CYRIB: variants seen among roughly 807,000 people sequenced by gnomAD.
The protein encoded by CYRIB is CYFIP related Rac1 interactor B.
Under a neutral mutation model 44.2 loss-of-function variants are expected in CYRIB, and 8 were observed. The observed-to-expected ratio is 0.18, with a 90% CI of 0.11 to 0.33. The LOEUF (loss-of-function observed/expected upper bound fraction) is 0.33. Ranked by LOEUF, CYRIB falls within the 10% of genes least tolerant of loss-of-function variation. The pLI, the probability that CYRIB is intolerant of heterozygous loss-of-function variation, is 1.00. For missense variants in CYRIB, 185 were observed against 382.8 expected (o/e 0.48, Z 4.31); for synonymous variants, 131 against 127.2 (o/e 1.03, Z -0.20).
chr8:129,963,254 AG>A (rs1471536521), intron 2 of CYRIB, among the ~76,000 whole-genome samples: 1 of 152,208 alleles, frequency 6.6e-6, no homozygotes, highest in African/African-American at 2.4e-5. Flanking sequence ...TTTCACTCCT[AG>A]ATTCTTCAAT....
chr8:130,013,046 A>G (rs747884381), intron 1 of CYRIB, among the ~76,000 whole-genome samples: 1 of 152,224 alleles, frequency 6.6e-6, no homozygotes, highest in Non-Finnish European at 1.5e-5. Context: ...CCTTCTTTCA[A>G]GAAGCTCCAA....
intron 1 of CYRIB, among the ~76,000 whole-genome samples, chr8:129,938,808 T>C (rs937495004): frequency 2.0e-5 from 3 of 151,920 alleles, no homozygotes; most frequent in Non-Finnish European, 2.9e-5. Context: ...AAGTCTTCCA[T>C]GAAAAAAATA....
chr8:129,974,394 G>A (rs1025336193), intron 1 of CYRIB, among the ~76,000 whole-genome samples: 1 of 152,044 alleles, frequency 6.6e-6, no homozygotes, highest in Non-Finnish European at 1.5e-5. Flanking sequence ...TTTGCAAGTC[G>A]AATGGAAGCT....
chr8:129,958,633 T>C (rs1237238927), intron 2 of CYRIB, among the ~76,000 whole-genome samples: 1 of 152,130 alleles, frequency 6.6e-6, no homozygotes, highest in East Asian at 1.9e-4. Context: ...TCTGTGAAAT[T>C]ATCTGATGCA....
chr8:129,903,467 T>C (rs1251782247), intron 1 of CYRIB, 117 bp from the exon 4 acceptor site: 1 of 152,462 alleles, frequency 6.6e-6, no homozygotes, highest in Admixed American at 6.5e-5. Flanking sequence ...GCACATTTTA[T>C]ACATACACAC....
At chr8:129,927,039 T>C (rs1050287380) in intron 1 of CYRIB, among the ~76,000 whole-genome samples, 6 of 152,138 alleles carry the variant, frequency 3.9e-5, no homozygotes, top group Non-Finnish European at 8.8e-5. Flanking sequence ...TCCCAGCACT[T>C]TGGGAGGCCG....
intron 2 of CYRIB, among the ~76,000 whole-genome samples, chr8:129,902,220 T>C (rs144405896): frequency 0.015 from 2,223 of 152,192 alleles, 52 homozygotes; most frequent in African/African-American, 0.05. Context: ...GTTTTTGTTT[T>C]TATTGTTTTT....
At chr8:130,009,326 G>T (rs1275933679) in intron 1 of CYRIB, among the ~76,000 whole-genome samples, 4 of 150,650 alleles carry the variant, frequency 2.7e-5, no homozygotes, top group African/African-American at 7.4e-5. Flanking sequence ...GGAGTGCAAT[G>T]GCACAATTTT....
intron 1 of CYRIB, among the ~76,000 whole-genome samples, chr8:129,906,279 G>C (rs1183033362): frequency 1.3e-5 from 2 of 152,124 alleles, no homozygotes; most frequent in African/African-American, 4.8e-5. Flanking sequence ...ACAGAACAGA[G>C]TCCTCAGAAA....
At position 130,006,607 on chromosome 8, in the gene CYRIB, C is replaced by CACATATATATGTGTATATATAT. The variant is rs1359122569; in HGVS notation, c.-296+9762_-296+9763insATATATATACACATATATATGT. Among the ~76,000 whole-genome samples the CACATATATATGTGTATATATAT allele has an allele frequency of 7.7e-3, 55 of 7,118 alleles. 1 individual carries two copies. Among genetic ancestry groups the CACATATATATGTGTATATATAT allele is most frequent in the African/African-American group, 0.022 (53 of 2,444 alleles). The allele number at this position is 7,118 out of a possible 152,430, so 4.7% of individuals were successfully genotyped here. On this transcript the variant is annotated intron_variant, in intron 1 of 14. Transcript: ENST00000401979. Reference sequence around the variant, plus strand: ...TAAAAACACAAATTATATATATATACATATATATGTGTATATATATACATA... The same window carrying CACATATATATGTGTATATATAT: ...TAAAAACACAAATTATATATATATACACATATATATGTGTATATATATATATATATGTGTATATATATACATA...
In CYRIB at chr8:129,854,257, T is replaced by G; in HGVS notation, c.516+9A>C. On this transcript the variant is annotated intron_variant, in intron 7 of 11. Coordinates refer to ENST00000519824, the Ensembl canonical transcript of CYRIB. ...CTTACCATCCCCCTAATTCAAAGCA[T>G]TAACTTACCGGTACATTGTTAATCC... The G allele has an allele frequency of 1.3e-6, 2 of 1,596,086 alleles. No homozygotes were observed. Among genetic ancestry groups the G allele is most frequent in the African/African-American group, 1.3e-5 (1 of 74,492 alleles).
At chr8:129,864,777 G>A (rs1370439262) in intron 4 of CYRIB, 1 of 420,476 alleles carries the variant, frequency 2.4e-6, no homozygotes, top group Non-Finnish European at 4.6e-6. Flanking sequence ...GAGTGAGCTG[G>A]ACACCACTGT....
intron 2 of CYRIB, among the ~76,000 whole-genome samples, chr8:129,967,510 G>C (rs1268858312): frequency 6.6e-6 from 1 of 151,886 alleles, no homozygotes; most frequent in East Asian, 1.9e-4. Flanking sequence ...CTCCCGAGTA[G>C]CTGGGACTAC....
In CYRIB at chr8:129,934,833, T is replaced by A. The variant is rs141971203; in HGVS notation, c.-50+4775A>T. On this transcript the variant is annotated intron_variant, in intron 1 of 11. Transcript: ENST00000519824. ...CCCCAGCAACTGGACCCGTTTAGAT[T>A]AAGTAAATTTACTGAGGGTCTGGAG... Among the ~76,000 whole-genome samples, 1,124 of 152,310 alleles carry A rather than the reference T, an allele frequency of 7.4e-3. 15 individuals are homozygous for A. The highest frequency in any genetic ancestry group is 0.025 in the African/African-American group (1,056 of 41,586).
At chr8:130,009,973 A>G (rs1319601800) in intron 1 of CYRIB, among the ~76,000 whole-genome samples, 2 of 152,212 alleles carry the variant, frequency 1.3e-5, no homozygotes, top group Non-Finnish European at 2.9e-5. Flanking sequence ...AGGAGACTCT[A>G]TTAGGCAGAT....
At chr8:129,937,070 T>C (rs575586200) in intron 1 of CYRIB, among the ~76,000 whole-genome samples, 1 of 152,336 alleles carries the variant, frequency 6.6e-6, no homozygotes, top group African/African-American at 2.4e-5. Flanking sequence ...AACATCTTTA[T>C]CAAAATTTTT....
chr8:129,879,511 AT>A, intron 2 of CYRIB, 40 bp from the exon 5 acceptor site: 3 of 1,389,694 alleles, frequency 2.2e-6, no homozygotes, highest in Non-Finnish European at 3.0e-6. Context: ...ATATCCCTTT[AT>A]AAAAAAGAAC....
intron 8 of CYRIB, 178 bp downstream of exon 10, chr8:129,851,984 C>G (rs911916048): frequency 8.0e-5 from 32 of 398,536 alleles, no homozygotes; most frequent in African/African-American, 6.6e-4. Context: ...TCCAGAGAAA[C>G]TGCAAATACG....
Position 129,955,534 on chromosome 8 carries a change from A to C in CYRIB, c.-243+15409T>G, listed in dbSNP as rs145744288. Among the ~76,000 whole-genome samples the C allele has an allele frequency of 2.0e-5, 3 of 152,308 alleles. No homozygotes were observed. In the East Asian group the frequency reaches 5.8e-4, roughly 29 times the overall value. ...GACGTCGGAAATCTATAGAGATATT[A>C]GATAAGCATTTCAAGGTAACTTATT... On this transcript the variant is annotated intron_variant, in intron 2 of 14. Transcript: ENST00000401979.
Sources: allele counts gnomAD v4.1 joint callset (sites outside exome capture counted in the v4.1 genomes callset), GRCh38; gene constraint gnomAD v4.1.1; transcripts MANE v1.5; gene names NCBI Gene and HGNC (gene_info 2026-07-23, HGNC 2026-07-21).